The following KSR2 variants were observed in gnomAD, a reference collection of about 807,000 sequenced individuals.
The protein encoded by KSR2 is kinase suppressor of ras 2.
In KSR2, 25 loss-of-function variants were observed where a neutral mutation model predicts 107.8. The ratio of observed to expected loss-of-function variants is 0.23; its 90% CI spans 0.17 to 0.32. The LOEUF is 0.32. Among genes scored for constraint, KSR2 ranks in the 10% least tolerant of loss-of-function variants. KSR2 has a pLI of 1.00. For missense variants in KSR2, 887 were observed against 1,268.9 expected, an observed-to-expected ratio of 0.70 and a Z score of 4.57; for synonymous variants, 480 against 507.0, an observed-to-expected ratio of 0.95 and a Z score of 0.71.
intron 4 of KSR2, among the ~76,000 whole-genome samples, chr12:117,676,409 T>C (rs1413198764): frequency 3.3e-5 from 5 of 152,108 alleles, no homozygotes; most frequent in Non-Finnish European, 7.3e-5. Context: ...AGAAATAGCC[T>C]TTGCACGTCA....
chr12:117,828,562 G>T (rs1181557399), intron 3 of KSR2, among the ~76,000 whole-genome samples: 1 of 152,178 alleles, frequency 6.6e-6, no homozygotes, highest in Non-Finnish European at 1.5e-5. Context: ...CCCAGATAAG[G>T]AAGCACAGAT....
At chr12:117,743,321 G>A (rs767077313) in intron 4 of KSR2, among the ~76,000 whole-genome samples, 21 of 152,238 alleles carry the variant, frequency 1.4e-4, no homozygotes, top group Non-Finnish European at 2.6e-4. Flanking sequence ...GCAATGGCAC[G>A]ATCTGTCTTG....
At chr12:117,533,670 C>T (rs558800743) in intron 10 of KSR2, among the ~76,000 whole-genome samples, 1 of 152,324 alleles carries the variant, frequency 6.6e-6, no homozygotes, top group Non-Finnish European at 1.5e-5. Flanking sequence ...ACCCGAGGCT[C>T]TCAAGAGACT....
chr12:117,715,471 G>A (rs1474441510), intron 4 of KSR2, among the ~76,000 whole-genome samples: 3 of 152,216 alleles, frequency 2.0e-5, no homozygotes, highest in African/African-American at 4.8e-5. Flanking sequence ...GAGCGCAAGG[G>A]AGAAAATTCA....
intron 14 of KSR2, among the ~76,000 whole-genome samples, chr12:117,514,826 G>A (rs1874262793): frequency 6.6e-6 from 1 of 151,998 alleles, no homozygotes; most frequent in Non-Finnish European, 1.5e-5. Context: ...GCAATTACCG[G>A]TGTGAGCCAC....
At chr12:117,667,687 G>T (rs757284978) in intron 4 of KSR2, 29 bp from the exon 5 acceptor site, 2 of 1,531,984 alleles carry the variant, frequency 1.3e-6, no homozygotes, top group Non-Finnish European at 1.8e-6. Context: ...AAGAGGAAAA[G>T]GAAATATATC....
intron 5 of KSR2, among the ~76,000 whole-genome samples, chr12:117,639,657 T>TATTATTATA (rs1491437914): frequency 6.8e-5 from 8 of 117,310 alleles, no homozygotes; most frequent in South Asian, 2.8e-4. Flanking sequence ...TTATTATTAT[T>TATTATTATA]ATATTATTTT....
intron 1 of KSR2, among the ~76,000 whole-genome samples, chr12:117,872,843 A>G (rs571636586): frequency 1.3e-5 from 2 of 152,218 alleles, no homozygotes; most frequent in East Asian, 1.9e-4. Flanking sequence ...TCCCCTCTCC[A>G]AGGGCTGTGG....
intron 3 of KSR2, among the ~76,000 whole-genome samples, chr12:117,852,466 G>C (rs989441405): frequency 1.3e-5 from 2 of 151,946 alleles, no homozygotes; most frequent in Non-Finnish European, 2.9e-5. Context: ...CGGAGCACCA[G>C]AACTTTCATG....
intron 16 of KSR2, among the ~76,000 whole-genome samples, chr12:117,478,420 A>G (rs575432202): frequency 6.9e-6 from 1 of 144,162 alleles, no homozygotes; most frequent in Non-Finnish European, 1.5e-5. Flanking sequence ...TAAACTTTTC[A>G]TTTTTTTTTT....
chr12:117,645,868 C>T (rs1018909123), intron 5 of KSR2, among the ~76,000 whole-genome samples: 3 of 142,060 alleles, frequency 2.1e-5, no homozygotes, highest in African/African-American at 2.6e-5. Context: ...TGTGTATGTG[C>T]GTGTGTGTGT....
chr12:117,623,240 T>A (rs752368258), intron 5 of KSR2, among the ~76,000 whole-genome samples: 5 of 152,258 alleles, frequency 3.3e-5, no homozygotes, highest in East Asian at 1.9e-4. Flanking sequence ...GGGTTTTTTT[T>A]AATTATTATA....
At chr12:117,718,968 A>G (rs1441257399) in intron 4 of KSR2, among the ~76,000 whole-genome samples, 2 of 152,186 alleles carry the variant, frequency 1.3e-5, no homozygotes, top group African/African-American at 2.4e-5. Context: ...CCGCTCATCA[A>G]TGGACCCAGA....
intron 4 of KSR2, among the ~76,000 whole-genome samples, chr12:117,741,162 A>G (rs1888204089): frequency 6.6e-6 from 1 of 152,184 alleles, no homozygotes. Flanking sequence ...CATCAAAATA[A>G]ATAGCGATAG....
intron 16 of KSR2, among the ~76,000 whole-genome samples, chr12:117,477,840 T>C (rs570438983): frequency 1.3e-5 from 2 of 152,348 alleles, no homozygotes; most frequent in African/African-American, 4.8e-5. Context: ...TTATGAACAA[T>C]GCTGCCATGA....
In KSR2 at chr12:117,678,901, C is replaced by T. The variant is rs1940228816; in HGVS notation, c.987-11243G>A. 2.0e-5 allele frequency among the ~76,000 whole-genome samples: 3 copies of T among 152,212 alleles called. No individual in the cohort carries two copies. The South Asian group carries it at 6.3e-4, about 32-fold the overall frequency. ...CTCATTTCTCAAAGAGGGATACTGCCCAAGTGTGATGATGGTCACAGCAGA... is the reference window on the plus strand; with the variant it reads ...CTCATTTCTCAAAGAGGGATACTGCTCAAGTGTGATGATGGTCACAGCAGA... On this transcript the variant is annotated intron_variant, in intron 4 of 19. Transcript: ENST00000339824.
chr12:117,734,492 G>A (rs1283367571), intron 4 of KSR2, among the ~76,000 whole-genome samples: 2 of 152,044 alleles, frequency 1.3e-5, no homozygotes, highest in Admixed American at 6.6e-5. Context: ...GCTGGGGCCC[G>A]GGGTCCTCCA....
At chr12:117,785,941 A>T (rs958577940) in intron 3 of KSR2, among the ~76,000 whole-genome samples, 1 of 152,234 alleles carries the variant, frequency 6.6e-6, no homozygotes, top group African/African-American at 2.4e-5. Flanking sequence ...AAATTTTGTG[A>T]AAAACATAAA....
chr12:117,749,432 G>A (rs1030486240), intron 4 of KSR2, among the ~76,000 whole-genome samples: 3 of 151,874 alleles, frequency 2.0e-5, no homozygotes, highest in Admixed American at 6.6e-5. Flanking sequence ...AAGAAATAAC[G>A]AGAGGAAGGC....
Sources: allele counts gnomAD v4.1 joint callset (sites outside exome capture counted in the v4.1 genomes callset), GRCh38; gene constraint gnomAD v4.1.1; transcripts MANE v1.5; gene names NCBI Gene and HGNC (gene_info 2026-07-23, HGNC 2026-07-21).